Variants in SLC18B1 observed in about 807,000 individuals in gnomAD.
The protein encoded by SLC18B1 is MFS-type transporter SLC18B1.
Under a neutral mutation model 53.9 loss-of-function variants are expected in SLC18B1, and 62 were observed. The observed-to-expected ratio is 1.15, with a 90% CI of 0.94 to 1.42. The LOEUF (loss-of-function observed/expected upper bound fraction) is 1.42. Ranked by LOEUF, SLC18B1 falls within the 40% of genes most tolerant of loss-of-function variation. SLC18B1 has a pLI of 0.00. For synonymous variants in SLC18B1, 217 were observed against 200.9 expected (o/e 1.08, Z -0.68); for missense variants, 598 against 547.3 (o/e 1.09, Z -0.93).
chr6:132,770,457 C>T (rs1313010584), intron 13 of SLC18B1, 121 bp from the exon 14 acceptor site: 11 of 832,980 alleles, frequency 1.3e-5, no homozygotes, highest in South Asian at 3.2e-5. Context: ...TTCTACTGCC[C>T]GGGCATGGTG....
chr6:132,780,750 C>T (rs985042395), intron 6 of SLC18B1, among the ~76,000 whole-genome samples: 10 of 151,892 alleles, frequency 6.6e-5, no homozygotes, highest in Admixed American at 2.6e-4. Flanking sequence ...TTAGTAGAGA[C>T]GGGGTTTCAC....
intron 13 of SLC18B1, among the ~76,000 whole-genome samples, chr6:132,770,587 T>G (rs1780944405): frequency 6.6e-6 from 1 of 151,884 alleles, no homozygotes; most frequent in South Asian, 2.1e-4. Flanking sequence ...AATACAAAAA[T>G]TAACTGGGCA....
chr6:132,794,462 G>A (rs1195373692), intron 2 of SLC18B1, among the ~76,000 whole-genome samples: 1 of 151,844 alleles, frequency 6.6e-6, no homozygotes, highest in African/African-American at 2.4e-5. Context: ...GCTCTTTCTT[G>A]CTCAAACACC....
chr6:132,772,312 AAACC>A, intron 10 of SLC18B1, 106 bp from the exon 11 acceptor site: 1 of 618,970 alleles, frequency 1.6e-6, no homozygotes, highest in Non-Finnish European at 2.7e-6. Flanking sequence ...ATCTGGAAAA[AAACC>A]AACAGCAAGA....
At chr6:132,785,127 G>T (rs1781338116) in intron 5 of SLC18B1, among the ~76,000 whole-genome samples, 1 of 118,630 alleles carries the variant, frequency 8.4e-6, no homozygotes, top group South Asian at 2.6e-4. Flanking sequence ...CAGTGTGTGT[G>T]TGTGTGTGTG....
In SLC18B1 at chr6:132,770,238, C is replaced by T; in HGVS notation, c.*32G>A. 1.3e-6 allele frequency: 2 copies of T among 1,585,152 alleles called. No individual in the cohort carries two copies. Among genetic ancestry groups the T allele is most frequent in the Non-Finnish European group, 1.7e-6 (2 of 1,154,718 alleles). ...TGTTTAAGGCCAGGAGCATTCATTT[C>T]TCAACCTTGTATCAATCCAGGATCC... is the stretch of plus-strand genomic sequence containing the variant. On this transcript the variant is annotated 3_prime_UTR_variant, in exon 14 of 14. Transcript: ENST00000275227.
At chr6:132,784,892 A>G (rs1474324594) in intron 5 of SLC18B1, among the ~76,000 whole-genome samples, 1 of 152,188 alleles carries the variant, frequency 6.6e-6, no homozygotes. Context: ...AGAACAGTAA[A>G]GAGTAAGAAA....
chr6:132,792,280 AAAG>A, intron 2 of SLC18B1, among the ~76,000 whole-genome samples: 1 of 42,674 alleles, frequency 2.3e-5, no homozygotes, highest in Non-Finnish European at 4.7e-5. Flanking sequence ...AGAAAGAAAG[AAAG>A]GAAGAAAGGA....
At chr6:132,795,200 A>G (rs1317151629) in intron 2 of SLC18B1, among the ~76,000 whole-genome samples, 1 of 152,084 alleles carries the variant, frequency 6.6e-6, no homozygotes, top group Non-Finnish European at 1.5e-5. Context: ...AACATTCTGG[A>G]CATCCTTTTC....
chr6:132,788,032 C>G (rs1320109841), intron 4 of SLC18B1, among the ~76,000 whole-genome samples: 2 of 151,740 alleles, frequency 1.3e-5, no homozygotes, highest in Non-Finnish European at 2.9e-5. Flanking sequence ...GTGGTGGTGG[C>G]CACCTGTAGT....
rs910353870 is a variant in SLC18B1 at position 132,779,392 on chromosome 6, C to T, written c.671G>A (p.Gly224Asp). ...GATCAGTTTCCAGAATGAGTGTTCA[C>T]CTGGATCAGACTCTTTAGGGAAAAA... ...YILPNYESDP[G>D]EHSFWKLIAL... The change falls in exon 7 of 14, where the codon GGT becomes GAT. Residue 224 changes from glycine (G) to aspartate (D), a missense_variant. Physicochemically the swap from Gly to Asp is moderately conservative, Grantham distance 94. Coordinates refer to ENST00000275227, the MANE Select transcript of SLC18B1 (RefSeq NM_052831.3). 7 of 1,607,360 alleles carry T rather than the reference C, an allele frequency of 4.4e-6. No individual in the cohort carries two copies. Among genetic ancestry groups the T allele is most frequent in the South Asian group, 1.1e-5 (1 of 90,688 alleles).
chr6:132,772,853 T>C (rs1489751860), intron 10 of SLC18B1, 140 bp downstream of exon 10: 4 of 602,394 alleles, frequency 6.6e-6, no homozygotes, highest in Admixed American at 2.9e-5. Context: ...TATATCATAA[T>C]ATCATATGCT....
In SLC18B1 at chr6:132,789,775, T is replaced by A. The variant is rs759047214; in HGVS notation, c.342A>T (p.Thr114=). 9 of 1,612,682 alleles carry A rather than the reference T, an allele frequency of 5.6e-6. No homozygotes were observed. The change falls in exon 4 of 14, where the codon ACA becomes ACT. Residue 114 remains threonine, a synonymous_variant. Coordinates refer to ENST00000275227, the MANE Select transcript of SLC18B1 (RefSeq NM_052831.3). Reference sequence around the variant, plus strand: ...AGAAAATGACTTACCCAAAGAGAATTGTAACTCCTCCTGAGACAAACATTC... The same window carrying A: ...AGAAAATGACTTACCCAAAGAGAATAGTAACTCCTCCTGAGACAAACATTC... The part of the protein sequence containing the change: ...VAGMFVSGGV[T]ILFGVLDRVP...
chr6:132,779,149 T>C, intron 7 of SLC18B1, 119 bp downstream of exon 7: 1 of 1,146,964 alleles, frequency 8.7e-7, no homozygotes, highest in South Asian at 1.7e-5. Flanking sequence ...CGGTGTGTAG[T>C]GCCCATTCTA....
At chr6:132,789,713 T>C (rs758909670) in intron 4 of SLC18B1, 51 bp downstream of exon 4, 3 of 1,221,624 alleles carry the variant, frequency 2.5e-6, no homozygotes, top group Non-Finnish European at 3.6e-6. Flanking sequence ...AAACAGAAGA[T>C]ACATTACAAA....
chr6:132,777,158 T>C (rs1340135839), intron 7 of SLC18B1, among the ~76,000 whole-genome samples: 1 of 152,052 alleles, frequency 6.6e-6, no homozygotes, highest in Non-Finnish European at 1.5e-5. Flanking sequence ...GGAGAATTGC[T>C]TGAACTTAGG....
chr6:132,774,309 A>C lies in SLC18B1; in HGVS notation c.902T>G (p.Leu301Arg), dbSNP rs1349377720. The stretch of plus-strand genomic sequence containing the variant: ...GCCAAACACCAGAAGCCATTTCCTT[A>C]GAGGCTGGTAAAGGAGAAAGAGAGT... ...FGLLSDKRPPLRKWLLVFGNL... is the reference protein window; with the variant it reads ...FGLLSDKRPPRRKWLLVFGNL... Residue 301 changes from leucine (L) to arginine (R), a missense_variant, in exon 9 of 14, where the codon CTA becomes CGA. Leu to Arg is a moderately radical substitution (Grantham distance 102, BLOSUM62 -2). Coordinates refer to ENST00000275227, the MANE Select transcript of SLC18B1 (RefSeq NM_052831.3). 6.8e-6 allele frequency: 11 copies of C among 1,612,248 alleles called. No homozygotes were observed. The highest frequency in any genetic ancestry group is 7.6e-6 in the Non-Finnish European group (9 of 1,178,816).
intron 6 of SLC18B1, among the ~76,000 whole-genome samples, chr6:132,779,662 C>G (rs1007224232): frequency 6.6e-6 from 1 of 152,118 alleles, no homozygotes; most frequent in South Asian, 2.1e-4. Flanking sequence ...AAGAAGGGGT[C>G]TTAGGTTACA....
At chr6:132,795,994 C>G (rs138699166) in intron 2 of SLC18B1, among the ~76,000 whole-genome samples, 3,257 of 152,106 alleles carry the variant, frequency 0.021, 122 homozygotes, top group African/African-American at 0.074. Context: ...AAGCAGATCA[C>G]CTGAGGTCAG....
Sources: gnomAD v4.1 joint callset for allele counts (sites outside exome capture counted in the v4.1 genomes callset) on GRCh38, gnomAD v4.1.1 for gene constraint, MANE v1.5 for transcripts, NCBI Gene and HGNC (gene_info 2026-07-23, HGNC 2026-07-21) for gene names.